TSPAN7: variants seen among roughly 807,000 people sequenced by gnomAD.
The protein encoded by TSPAN7 is tetraspanin 7.
TSPAN7 carries 1 observed loss-of-function variant against 17.6 expected under a neutral mutation model. The observed-to-expected ratio is 0.06, with a 90% CI of 0.02 to 0.27. TSPAN7 has a LOEUF of 0.27. TSPAN7 is among the 10% of genes least tolerant of loss of function. TSPAN7 has a pLI of 1.00. For synonymous variants in TSPAN7, 78 were observed against 79.0 expected, an observed-to-expected ratio of 0.99 and a Z score of 0.07; for missense variants, 112 against 201.7, an observed-to-expected ratio of 0.56 and a Z score of 2.69.
At chrX:38,617,916 T>C (rs1329913442) in intron 1 of TSPAN7, among the ~76,000 whole-genome samples, 4 of 112,036 alleles carry the variant, frequency 3.6e-5, no homozygotes, top group Non-Finnish European at 7.5e-5. Flanking sequence ...ATTTTTACTA[T>C]TTGTTTGTTC....
chrX:38,603,606 C>A (rs1427397278), intron 1 of TSPAN7, among the ~76,000 whole-genome samples: 1 of 111,083 alleles, frequency 9.0e-6, no homozygotes, highest in African/African-American at 3.3e-5. Context: ...CTGATTCATG[C>A]TATATCATGG....
intron 5 of TSPAN7, among the ~76,000 whole-genome samples, chrX:38,678,387 G>A (rs1332760087): frequency 1.8e-5 from 2 of 112,380 alleles, no homozygotes; most frequent in East Asian, 2.8e-4. Flanking sequence ...GACGTGCTGA[G>A]AGAGTGAGCA....
intron 5 of TSPAN7, among the ~76,000 whole-genome samples, chrX:38,680,399 CT>C (rs2147457420): frequency 9.1e-6 from 1 of 110,294 alleles, no homozygotes; most frequent in Non-Finnish European, 1.9e-5. Context: ...AAATTAATGT[CT>C]TTATTTTTCG....
At chrX:38,636,680 C>CT (rs948469754) in intron 1 of TSPAN7, among the ~76,000 whole-genome samples, 14 of 106,036 alleles carry the variant, frequency 1.3e-4, no homozygotes, top group African/African-American at 3.1e-4. Flanking sequence ...TTTCTTTTTT[C>CT]TTTTTTTTTT....
intron 5 of TSPAN7, among the ~76,000 whole-genome samples, chrX:38,679,952 C>G (rs761903740): frequency 1.1e-3 from 126 of 110,710 alleles, no homozygotes; most frequent in Non-Finnish European, 1.9e-3. Context: ...ACAAAGGGAC[C>G]AACACACACT....
chrX:38,609,162 T>C (rs748658347), intron 1 of TSPAN7, among the ~76,000 whole-genome samples: 1 of 112,354 alleles, frequency 8.9e-6, no homozygotes, highest in Non-Finnish European at 1.9e-5. Context: ...TGTTTCAAAA[T>C]GAGCTTTCAT....
rs368779486 is a variant in TSPAN7 at position 38,687,632 on chromosome X, C to T, written c.715C>T (p.Arg239Trp). 3.3e-6 allele frequency: 4 copies of T among 1,208,850 alleles called. No individual in the cohort carries two copies. The highest frequency in any genetic ancestry group is 3.5e-5 in the African/African-American group (2 of 57,087). The change falls in exon 7 of 8, where the codon CGG (arginine) becomes TGG (tryptophan). Residue 239 changes from arginine (R) to tryptophan (W), a missense_variant. Physicochemically the swap from Arg to Trp is moderately radical, Grantham distance 101. Transcript: ENST00000378482. The part of the protein sequence containing the change: ...IGMLLACCLS[R>W]FITANQYEMV The stretch of plus-strand genomic sequence containing the variant: ...CATGCTGCTGGCCTGCTGTCTGTCC[C>T]GGTTCATCACGGCCAATCAGTATGA...
intron 1 of TSPAN7, among the ~76,000 whole-genome samples, chrX:38,649,020 A>G (rs1390680152): frequency 2.7e-5 from 3 of 111,013 alleles, no homozygotes; most frequent in African/African-American, 9.8e-5. Flanking sequence ...TTTTTTATTT[A>G]CTATATTATT....
At chrX:38,590,001 T>C (rs1334018670) in intron 1 of TSPAN7, among the ~76,000 whole-genome samples, 4 of 113,208 alleles carry the variant, frequency 3.5e-5, no homozygotes, top group Non-Finnish European at 3.7e-5. Flanking sequence ...TGATCTGGAT[T>C]CTACTTTTCT....
chrX:38,569,432 A>G (rs1405962196), intron 1 of TSPAN7, among the ~76,000 whole-genome samples: 2 of 105,213 alleles, frequency 1.9e-5, no homozygotes. Flanking sequence ...TTCACCCTCC[A>G]AAGAATAAAT....
At chrX:38,678,122 A>G (rs1485726910) in intron 5 of TSPAN7, among the ~76,000 whole-genome samples, 1 of 112,015 alleles carries the variant, frequency 8.9e-6, no homozygotes, top group Non-Finnish European at 1.9e-5. Context: ...TATTGTTTGG[A>G]TTTGGGGACA....
chrX:38,638,187 T>TA (rs1224753270), intron 1 of TSPAN7, among the ~76,000 whole-genome samples: 1 of 112,426 alleles, frequency 8.9e-6, no homozygotes, highest in Non-Finnish European at 1.9e-5. Flanking sequence ...CCACTTCTGG[T>TA]AAAATGCTAC....
rs759605217 is a variant in TSPAN7 at position 38,643,565 on chromosome X, G to A, written c.82-22556G>A. ...AAAAATTTAAACCAGGGCCGGGCAC[G>A]GTGGCTCATGCCTGTAATCCCAGCA... On this transcript the variant is annotated intron_variant, in intron 1 of 7. Coordinates refer to ENST00000378482, the MANE Select transcript of TSPAN7 (RefSeq NM_004615.4). 6.4e-5 allele frequency among the ~76,000 whole-genome samples: 7 copies of A among 108,757 alleles called. No individual in the cohort carries two copies. In the Middle Eastern group the frequency reaches 0.014, roughly 217 times the overall value. 94.4% of individuals were successfully genotyped at this position (108,757 alleles called of 115,157 possible). A position where few individuals can be genotyped will look rare whatever the true frequency, so the allele number is the denominator to read the frequency against.
intron 1 of TSPAN7, among the ~76,000 whole-genome samples, chrX:38,609,331 A>T (rs187653251): frequency 1.8e-5 from 2 of 111,873 alleles, no homozygotes; most frequent in East Asian, 5.6e-4. Flanking sequence ...CACTGCCTTG[A>T]TAATAAATCA....
At position 38,588,755 on chromosome X, in the gene TSPAN7, C is replaced by T. The variant is rs182408915; in HGVS notation, c.81+27128C>T. On this transcript the variant is annotated intron_variant, in intron 1 of 7. Transcript: ENST00000378482. ...TTTGGATGTTCATCCTCTGTCCCTT[C>T]TTCCTTAGCCTCTTAGCCCAAGGTG... 8.0e-5 allele frequency among the ~76,000 whole-genome samples: 9 copies of T among 112,164 alleles called. No homozygotes were observed. In the East Asian group the frequency reaches 2.0e-3, roughly 25 times the overall value.
At chrX:38,678,355 T>C in intron 5 of TSPAN7, among the ~76,000 whole-genome samples, 1 of 112,348 alleles carries the variant, frequency 8.9e-6, no homozygotes, top group South Asian at 3.7e-4. Context: ...GCAGATGTTT[T>C]CCATTGGTGA....
intron 1 of TSPAN7, among the ~76,000 whole-genome samples, chrX:38,615,546 AGTTTTTT>A (rs1032684133): frequency 3.1e-5 from 3 of 97,401 alleles, no homozygotes; most frequent in Non-Finnish European, 6.4e-5. Context: ...TGTCCTCTCC[AGTTTTTT>A]GTTTTTTGTT....
chrX:38,657,641 G>A (rs1404134827), intron 1 of TSPAN7, among the ~76,000 whole-genome samples: 1 of 112,400 alleles, frequency 8.9e-6, no homozygotes, highest in African/African-American at 3.2e-5. Context: ...TCTAGCACTG[G>A]AAGGGCCCTG....
chrX:38,677,044 G>T (rs1173359098), intron 5 of TSPAN7, among the ~76,000 whole-genome samples: 1 of 111,466 alleles, frequency 9.0e-6, no homozygotes, highest in Non-Finnish European at 1.9e-5. Flanking sequence ...TCAGAAGGTT[G>T]TTCATGAAAG....
Sources: gnomAD v4.1 joint callset for allele counts (sites outside exome capture counted in the v4.1 genomes callset) on GRCh38, gnomAD v4.1.1 for gene constraint, MANE v1.5 for transcripts, NCBI Gene and HGNC (gene_info 2026-07-23, HGNC 2026-07-21) for gene names.